PCDH17: variants seen among roughly 807,000 people sequenced by gnomAD.
PCDH17 encodes the protein protocadherin-17.
In PCDH17, 21 loss-of-function variants were observed where a neutral mutation model predicts 67.7. The ratio of observed to expected loss-of-function variants is 0.31; its 90% CI spans 0.22 to 0.45. The LOEUF is 0.45. Among genes scored for constraint, PCDH17 ranks in the 20% least tolerant of loss-of-function variants. PCDH17 has a pLI of 1.00. For synonymous variants in PCDH17, 701 were observed against 656.7 expected (o/e 1.07, Z -1.03); for missense variants, 1,471 against 1,564.8 (o/e 0.94, Z 1.01).
At chr13:57,666,022 G>A (rs1373178814) in intron 1 of PCDH17, among the ~76,000 whole-genome samples, 4 of 152,060 alleles carry the variant, frequency 2.6e-5, no homozygotes, top group Non-Finnish European at 5.9e-5. Context: ...ATTGAGGAGT[G>A]GATGACTTTA....
chr13:57,641,916 T>C (rs1011525905), intron 1 of PCDH17, among the ~76,000 whole-genome samples: 1 of 151,564 alleles, frequency 6.6e-6, no homozygotes, highest in Non-Finnish European at 1.5e-5. Context: ...TAAATGACAC[T>C]TTAGATGTAA....
upstream of PCDH17, among the ~76,000 whole-genome samples, chr13:57,630,718 T>A (rs1204395676): frequency 2.0e-5 from 3 of 152,202 alleles, no homozygotes; most frequent in Admixed American, 2.0e-4. Context: ...CATTTTCTTT[T>A]TCCCCAAAAA....
chr13:57,643,146 T>A (rs1354974727), intron 1 of PCDH17, among the ~76,000 whole-genome samples: 1 of 151,638 alleles, frequency 6.6e-6, no homozygotes, highest in African/African-American at 2.4e-5. Flanking sequence ...ACTGAATTTA[T>A]AAAGCAATTC....
rs534412507 is a variant in PCDH17 at position 57,724,940 on chromosome 13, G to C, written c.3126G>C (p.Ala1042=). ...CAGCATCAAGCAGCCCAACCAAGGC[G>C]TGCATCGAGCCTTGCACCTCAACAA... ...VPSASSSPTK[A]CIEPCTSTKG... Residue 1042 remains alanine (A), a synonymous_variant, in exon 4 of 4, where the codon GCG becomes GCC. Transcript: ENST00000377918. 5.6e-6 allele frequency: 9 copies of C among 1,614,188 alleles called. No individual in the cohort carries two copies. Among genetic ancestry groups the C allele is most frequent in the Non-Finnish European group, 7.6e-6 (9 of 1,180,024 alleles).
At chr13:57,686,810 T>G (rs1224867896) in intron 3 of PCDH17, among the ~76,000 whole-genome samples, 1 of 152,034 alleles carries the variant, frequency 6.6e-6, no homozygotes, top group African/African-American at 2.4e-5. Context: ...GAAAGTTTAT[T>G]TCCTCGAAAT....
intron 1 of PCDH17, among the ~76,000 whole-genome samples, chr13:57,651,208 T>C (rs1955033103): frequency 6.6e-6 from 1 of 152,156 alleles, no homozygotes; most frequent in African/African-American, 2.4e-5. Context: ...TTCCTTAAAA[T>C]TGTATAAATT....
At chr13:57,686,070 C>T (rs566424086) in intron 3 of PCDH17, among the ~76,000 whole-genome samples, 1 of 150,286 alleles carries the variant, frequency 6.7e-6, no homozygotes, top group South Asian at 2.1e-4. Flanking sequence ...GCCTGGGTGA[C>T]ACAGGGAGAT....
intron 3 of PCDH17, among the ~76,000 whole-genome samples, chr13:57,690,118 A>C (rs61961888): frequency 0.053 from 8,027 of 151,710 alleles, 263 homozygotes; most frequent in Middle Eastern, 0.095. Flanking sequence ...AAAAGACAAT[A>C]CTCTTAAGAA....
At chr13:57,691,882 C>A (rs1370829569) in intron 3 of PCDH17, among the ~76,000 whole-genome samples, 3 of 151,012 alleles carry the variant, frequency 2.0e-5, no homozygotes, top group Non-Finnish European at 4.5e-5. Context: ...AATAAAGGCA[C>A]TTTATTTTTG....
At chr13:57,692,711 T>C (rs1341432386) in intron 3 of PCDH17, among the ~76,000 whole-genome samples, 1 of 151,164 alleles carries the variant, frequency 6.6e-6, no homozygotes, top group East Asian at 1.9e-4. Context: ...CTCTTTTCTT[T>C]TTTTAGTCAC....
In PCDH17 at chr13:57,727,680, A is replaced by G. The variant is rs1296185077; in HGVS notation, c.*2386A>G. On this transcript the variant is annotated 3_prime_UTR_variant, in exon 4 of 4. Coordinates refer to ENST00000377918, the MANE Select transcript of PCDH17 (RefSeq NM_001040429.3). The stretch of plus-strand genomic sequence containing the variant: ...ATGTGAAACCTAATTGACTCTCTAT[A>G]TTTTGGACAATTTATGTATCTGAAA... 3.3e-5 allele frequency: 5 copies of G among 152,092 alleles called. No homozygotes were observed. The highest frequency in any genetic ancestry group is 5.9e-5 in the Non-Finnish European group (4 of 67,992). 9.4% of individuals were successfully genotyped at this position (152,092 alleles called of 1,614,324 possible).
At position 57,633,715 on chromosome 13, in the gene PCDH17, G is replaced by T; in HGVS notation, c.1169G>T (p.Arg390Leu). Reference protein sequence around the residue: ...DSGKNGQLQCRVLGGGGTGGG... With the variant: ...DSGKNGQLQCLVLGGGGTGGG... ...GGCAAGAACGGACAGCTGCAGTGTC[G>T]GGTCCTAGGCGGAGGAGGGACGGGC... Residue 390 changes from arginine (R) to leucine (L), a missense_variant, in exon 1 of 4, where the codon CGG becomes CTG. Physicochemically the swap from Arg to Leu is moderately radical, Grantham distance 102 (BLOSUM62 -2). Coordinates refer to ENST00000377918, the MANE Select transcript of PCDH17 (RefSeq NM_001040429.3). This position sits in a 1 kb window ranked among gnomAD's most constrained non-coding sequence, Gnocchi z 6.2. 2 of 1,601,720 alleles carry T rather than the reference G, an allele frequency of 1.2e-6. No homozygotes were observed. The highest frequency in any genetic ancestry group is 2.2e-5 in the East Asian group (1 of 44,764).
chr13:57,696,327 A>T (rs755656857), intron 3 of PCDH17, among the ~76,000 whole-genome samples: 1 of 151,410 alleles, frequency 6.6e-6, no homozygotes, highest in East Asian at 1.9e-4. Flanking sequence ...ATTTTTAGAC[A>T]GACAAATTCT....
In PCDH17 at chr13:57,633,133, T is replaced by C; in HGVS notation, c.587T>C (p.Val196Ala). 6.2e-7 allele frequency: 1 copy of C among 1,613,372 alleles called. No homozygotes were observed. Among genetic ancestry groups the C allele is most frequent in the Non-Finnish European group, 8.5e-7 (1 of 1,179,926 alleles). ...GACGGCACCAAGTTCCCAGAACTGG[T>C]CATCCAGAAGGCTCTGGACCGCGAG... is the stretch of plus-strand genomic sequence containing the variant. ...RGDGTKFPEL[V>A]IQKALDREQQ... is the part of the protein sequence containing the mutation. Residue 196 changes from valine (V) to alanine (A), a missense_variant, in exon 1 of 4, where the codon GTC becomes GCC. Val to Ala is a moderately conservative substitution (Grantham distance 64, BLOSUM62 0). This residue lies in a region of PCDH17 where 1,163 missense variants were observed against 1,230.0 expected (regional missense o/e 0.95). Coordinates refer to ENST00000377918, the MANE Select transcript of PCDH17 (RefSeq NM_001040429.3). The surrounding 1 kb of genome is among the most constrained non-coding windows in gnomAD (Gnocchi z 6.2).
At chr13:57,705,138 GAAAC>G (rs1170105180) in intron 3 of PCDH17, among the ~76,000 whole-genome samples, 4 of 151,696 alleles carry the variant, frequency 2.6e-5, no homozygotes, top group Admixed American at 6.6e-5. Flanking sequence ...AAACCCAAAA[GAAAC>G]AAAATATGTG....
At chr13:57,674,876 T>C (rs1210583925) in intron 3 of PCDH17, among the ~76,000 whole-genome samples, 1 of 151,956 alleles carries the variant, frequency 6.6e-6, no homozygotes, top group Non-Finnish European at 1.5e-5. Context: ...CAAAACATTA[T>C]GGTGAGAAGA....
intron 3 of PCDH17, among the ~76,000 whole-genome samples, chr13:57,690,671 T>C (rs1955550352): frequency 6.6e-6 from 1 of 151,644 alleles, no homozygotes; most frequent in South Asian, 2.1e-4. Context: ...TGTATACTTA[T>C]GATGAAAGAA....
At chr13:57,670,043 T>C (rs937430081) in intron 3 of PCDH17, among the ~76,000 whole-genome samples, 1 of 152,048 alleles carries the variant, frequency 6.6e-6, no homozygotes, top group Non-Finnish European at 1.5e-5. Flanking sequence ...TAAGTAACTA[T>C]TAAGCAACTT....
rs1955934509 is a variant in PCDH17, at chr13:57,729,078, T to C, written c.*3784T>C. 6.6e-6 allele frequency: 1 copy of C among 152,158 alleles called. No homozygotes were observed. The highest frequency in any genetic ancestry group is 6.5e-5 in the Admixed American group (1 of 15,268). The allele number at this position is 152,158 out of a possible 1,614,324, so 9.4% of individuals were successfully genotyped here. ...TGTGTTGATTCTAAATATTATTGAA[T>C]GAGACCTGATTAAAGTCTGACTTTC... On this transcript the variant is annotated 3_prime_UTR_variant, in exon 4 of 4. Coordinates refer to ENST00000377918, the MANE Select transcript of PCDH17 (RefSeq NM_001040429.3).
Sources: allele counts gnomAD v4.1 joint callset (sites outside exome capture counted in the v4.1 genomes callset), GRCh38; gene constraint gnomAD v4.1.1; regional missense constraint gnomAD v4.1.1; non-coding constraint Gnocchi (gnomAD v3.1); transcripts MANE v1.5; gene names NCBI Gene and HGNC (gene_info 2026-07-23, HGNC 2026-07-21).